EGFR: variants seen among roughly 807,000 people sequenced by gnomAD.
EGFR encodes avian erythroblastic leukemia viral (v-erb-b) oncogene homolog.
A neutral mutation model predicts 143.0 loss-of-function variants in EGFR; 58 were observed. The observed-to-expected ratio is 0.41, with a 90% CI of 0.33 to 0.50. The LOEUF is 0.50. EGFR is among the 20% of genes least tolerant of loss of function. The pLI, the probability that EGFR is intolerant of heterozygous loss-of-function variation, is 0.39. For missense variants in EGFR, 1,307 were observed against 1,579.0 expected, an observed-to-expected ratio of 0.83 and a Z score of 2.92; for synonymous variants, 613 against 594.4, an observed-to-expected ratio of 1.03 and a Z score of -0.45.
intron 1 of EGFR, among the ~76,000 whole-genome samples, chr7:55,078,764 G>T (rs1435385112): frequency 6.6e-6 from 1 of 152,216 alleles, no homozygotes; most frequent in Non-Finnish European, 1.5e-5. Flanking sequence ...TCCTGAGATG[G>T]TTTGGGCAGC....
chr7:55,109,902 G>A (rs1378295674), intron 1 of EGFR: 8 of 985,480 alleles, frequency 8.1e-6, no homozygotes, highest in Non-Finnish European at 9.6e-6. Context: ...TGCATTTGCT[G>A]TGGGTTCCCT....
At chr7:55,069,340 C>A (rs1011764326) in intron 1 of EGFR, among the ~76,000 whole-genome samples, 1 of 152,104 alleles carries the variant, frequency 6.6e-6, no homozygotes, top group Non-Finnish European at 1.5e-5. Context: ...CTTTTTAGCT[C>A]GTGTGGTGAT....
intron 20 of EGFR, chr7:55,181,979 T>C: frequency 4.5e-6 from 1 of 220,388 alleles, no homozygotes; most frequent in Non-Finnish European, 9.1e-6. Flanking sequence ...GGGCCTTGGC[T>C]AAGTGTCCCC....
chr7:55,058,620 C>A (rs1027631320), intron 1 of EGFR, among the ~76,000 whole-genome samples: 1 of 152,016 alleles, frequency 6.6e-6, no homozygotes, highest in African/African-American at 2.4e-5. Flanking sequence ...AAACAAAATA[C>A]CGCATGTTAT....
chr7:55,045,564 T>A (rs1788138464), intron 1 of EGFR, among the ~76,000 whole-genome samples: 1 of 152,174 alleles, frequency 6.6e-6, no homozygotes, highest in Non-Finnish European at 1.5e-5. Flanking sequence ...GGTGGGTTCT[T>A]GGGACCTCAG....
At chr7:55,058,120 G>A (rs902455407) in intron 1 of EGFR, among the ~76,000 whole-genome samples, 4 of 152,238 alleles carry the variant, frequency 2.6e-5, no homozygotes, top group Non-Finnish European at 5.9e-5. Context: ...ACATGGCTGG[G>A]CACAGTGGCT....
rs2128953500 is a variant in EGFR, at chr7:55,173,928, A to G, written c.2069A>G (p.Glu690Gly). The change falls in exon 18 of 28, where the codon GAG (glutamate) becomes GGG (glycine). Residue 690 changes from glutamate to glycine, a missense_variant. Around this residue, in one of 7 missense-constraint regions of EGFR, gnomAD observed 348 missense variants for 451.5 expected, o/e 0.77. Coordinates refer to ENST00000275493, the MANE Select transcript of EGFR (RefSeq NM_005228.5). ...TGTTCTTGTCCCCCCCAGCTTGTGG[A>G]GCCTCTTACACCCAGTGGAGAAGCT... The part of the protein sequence containing the change: ...RRLLQERELV[E>G]PLTPSGEAPN... The G allele has an allele frequency of 6.2e-7, 1 of 1,614,208 alleles. No homozygotes were observed. Among genetic ancestry groups the G allele is most frequent in the Non-Finnish European group, 8.5e-7 (1 of 1,180,030 alleles).
chr7:55,081,730 T>TA (rs1790473883), intron 1 of EGFR, among the ~76,000 whole-genome samples: 2 of 139,584 alleles, frequency 1.4e-5, no homozygotes, highest in Non-Finnish European at 3.3e-5. Context: ...GTTTTTTTTT[T>TA]TTTATTTGCA....
chr7:55,118,938 T>TA (rs2128912507), intron 1 of EGFR: 1 of 152,298 alleles, frequency 6.6e-6, no homozygotes, highest in South Asian at 2.1e-4. Context: ...AAATAAATTT[T>TA]AAAAACATTT....
At chr7:55,121,435 C>G (rs1337257314) in intron 1 of EGFR, among the ~76,000 whole-genome samples, 1 of 152,178 alleles carries the variant, frequency 6.6e-6, no homozygotes, top group Non-Finnish European at 1.5e-5. Flanking sequence ...ACAGCTCAGC[C>G]ATTAGAAGAA....
chr7:55,117,734 C>T (rs1299828713), intron 1 of EGFR, among the ~76,000 whole-genome samples: 3 of 152,250 alleles, frequency 2.0e-5, no homozygotes, highest in African/African-American at 4.8e-5. Flanking sequence ...CCAAGTCTCC[C>T]GAGGGTTTGC....
chr7:55,133,201 T>C (rs888927944), intron 1 of EGFR, among the ~76,000 whole-genome samples: 2 of 152,082 alleles, frequency 1.3e-5, no homozygotes, highest in Non-Finnish European at 2.9e-5. Context: ...CTTGCTAGGG[T>C]GCCTTCGGTT....
chr7:55,170,987 G>A (rs563058557), intron 15 of EGFR, 188 bp from the exon 16 acceptor site: 2 of 1,457,814 alleles, frequency 1.4e-6, no homozygotes, highest in East Asian at 5.0e-5. Flanking sequence ...TATTTGCTGA[G>A]TGAATGAACA....
chr7:55,050,540 C>T (rs907717929), intron 1 of EGFR, among the ~76,000 whole-genome samples: 14 of 152,308 alleles, frequency 9.2e-5, no homozygotes, highest in Admixed American at 3.9e-4. Flanking sequence ...TTGTGAATAA[C>T]GCTGCTATGA....
Position 55,165,384 on chromosome 7 carries a change from G to C in EGFR, c.1827G>C (p.Lys609Asn). Residue 609 changes from lysine to asparagine, a missense_variant, in exon 15 of 28, where the codon AAG (lysine) becomes AAC (asparagine). Around this residue, in one of 7 missense-constraint regions of EGFR, gnomAD observed 250 missense variants for 295.1 expected, o/e 0.85. Coordinates refer to ENST00000275493, the MANE Select transcript of EGFR (RefSeq NM_005228.5). ...VMGENNTLVW[K>N]YADAGHVCHL... ...GAGAAAACAACACCCTGGTCTGGAA[G>C]TACGCAGACGCCGGCCATGTGTGCC... 6.2e-7 allele frequency: 1 copy of C among 1,614,184 alleles called. No individual in the cohort carries two copies. Among genetic ancestry groups the C allele is most frequent in the Non-Finnish European group, 8.5e-7 (1 of 1,180,030 alleles).
At chr7:55,119,196 G>GC (rs1793053203) in intron 1 of EGFR, 2 of 152,184 alleles carry the variant, frequency 1.3e-5, no homozygotes, top group South Asian at 4.2e-4. Context: ...TTGAGAGAGT[G>GC]CCCTCCTAAT....
chr7:55,174,718 A>AT lies in EGFR; in HGVS notation c.2185-3dup. ...TTAACGTCTTCCTTCTCTCTCTGTC[A>AT]TAGGGACTCTGGATCCCAGAAGGTG... On this transcript the variant is annotated splice_region_variant and splice_polypyrimidine_tract_variant and intron_variant, in intron 18 of 27. Coordinates refer to ENST00000275493, the MANE Select transcript of EGFR (RefSeq NM_005228.5). 1 of 1,612,092 alleles carries AT rather than the reference A, an allele frequency of 6.2e-7. No homozygotes were observed. Among genetic ancestry groups the AT allele is most frequent in the African/African-American group, 1.3e-5 (1 of 75,010 alleles).
rs1788224175 is a variant in EGFR at position 55,211,001 on chromosome 7, C to T, written c.*5384C>T. ...AGAAGAGGATTCATGCTTTAAGAAA[C>T]ATTTGTTATACATTCCTCACAAATT... On this transcript the variant is annotated 3_prime_UTR_variant, in exon 28 of 28. Coordinates refer to ENST00000275493, the MANE Select transcript of EGFR (RefSeq NM_005228.5). 2 of 152,142 alleles carry T rather than the reference C, an allele frequency of 1.3e-5. No individual in the cohort carries two copies. Among genetic ancestry groups the T allele is most frequent in the Non-Finnish European group, 2.9e-5 (2 of 68,008 alleles). 9.4% of individuals were successfully genotyped at this position (152,142 alleles called of 1,614,324 possible).
rs55890622 is a variant in EGFR, at chr7:55,087,284, C to CA, written c.89-54989dup. Among the ~76,000 whole-genome samples the CA allele has an allele frequency of 1.3e-3, 157 of 117,668 alleles. 2 individuals are homozygous for CA. Among genetic ancestry groups the CA allele is most frequent in the Non-Finnish European group, 2.3e-3 (133 of 57,520 alleles). 77.2% of individuals were successfully genotyped at this position (117,668 alleles called of 152,430 possible). On this transcript the variant is annotated intron_variant, in intron 1 of 27. Coordinates refer to ENST00000275493, the MANE Select transcript of EGFR (RefSeq NM_005228.5). ...AGTTTCTCAATTGTTAAAAAAAAAA[C>CA]AAAAAAAAAAAAACCTGTACTCTGA...
Sources: gnomAD v4.1 joint callset for allele counts (sites outside exome capture counted in the v4.1 genomes callset) on GRCh38, gnomAD v4.1.1 for gene constraint, gnomAD v4.1.1 regional missense constraint, MANE v1.5 for transcripts, NCBI Gene and HGNC (gene_info 2026-07-23, HGNC 2026-07-21) for gene names.